WAC: variants seen among roughly 807,000 people sequenced by gnomAD.
WAC encodes the protein WW domain containing adaptor with coiled-coil.
In WAC, 11 loss-of-function variants were observed where a neutral mutation model predicts 79.6. That is an observed-to-expected ratio of 0.14 (90% CI 0.09 to 0.23). The LOEUF is 0.23. Ranked by LOEUF, WAC falls within the 10% of genes least tolerant of loss-of-function variation. The pLI, the probability that WAC is intolerant of heterozygous loss-of-function variation, is 1.00. For synonymous variants in WAC, 304 were observed against 276.9 expected, an observed-to-expected ratio of 1.10 and a Z score of -0.97; for missense variants, 728 against 773.5, an observed-to-expected ratio of 0.94 and a Z score of 0.70.
rs191154673 is a variant in WAC, at chr10:28,586,039, A to G, written c.381+2534A>G. Among the ~76,000 whole-genome samples, 12 of 152,274 alleles carry G rather than the reference A, an allele frequency of 7.9e-5. No homozygotes were observed. In the East Asian group the frequency reaches 2.1e-3, roughly 27 times the overall value. On this transcript the variant is annotated intron_variant, in intron 4 of 13. Coordinates refer to ENST00000354911, the MANE Select transcript of WAC (RefSeq NM_016628.5). ...GGAATCCGCGTTCTGGTTTCTCTAG[A>G]TTTCACCTGTAGGTGCATAAGTAGT...
At chr10:28,559,485 G>A (rs1352472327) in intron 3 of WAC, among the ~76,000 whole-genome samples, 1 of 152,086 alleles carries the variant, frequency 6.6e-6, no homozygotes, top group African/African-American at 2.4e-5. Context: ...GGAAACGGAG[G>A]CAAAATTAAT....
At chr10:28,550,939 T>C (rs1011950574) in intron 3 of WAC, among the ~76,000 whole-genome samples, 2 of 152,244 alleles carry the variant, frequency 1.3e-5, no homozygotes, top group African/African-American at 4.8e-5. Context: ...TGTATGTGAT[T>C]TGAATACTGA....
chr10:28,559,772 T>C (rs1838203269), intron 3 of WAC, among the ~76,000 whole-genome samples: 1 of 152,182 alleles, frequency 6.6e-6, no homozygotes, highest in Non-Finnish European at 1.5e-5. Context: ...GCAAGAAACT[T>C]CAAGAGGTGA....
chr10:28,618,850 TTACTG>T (rs1841585066), intron 13 of WAC, among the ~76,000 whole-genome samples: 1 of 152,224 alleles, frequency 6.6e-6, no homozygotes, highest in African/African-American at 2.4e-5. Context: ...ATTCTACTCT[TTACTG>T]TATAGTGGGC....
At chr10:28,617,814 G>A (rs375627488) in intron 13 of WAC, 30 bp downstream of exon 13, 7 of 1,553,828 alleles carry the variant, frequency 4.5e-6, no homozygotes, top group Middle Eastern at 2.0e-4. Flanking sequence ...ATATTTTTAT[G>A]TTTCTCAGGA....
chr10:28,617,594 A>G, intron 12 of WAC, 63 bp from the exon 13 acceptor site: 1 of 1,397,644 alleles, frequency 7.2e-7, no homozygotes. Context: ...TCAGAAATTT[A>G]ATGTTTTATT....
At chr10:28,582,242 A>G (rs986915819) in intron 3 of WAC, among the ~76,000 whole-genome samples, 2 of 152,214 alleles carry the variant, frequency 1.3e-5, no homozygotes, top group Admixed American at 1.3e-4. Context: ...CAAAGCAGTT[A>G]GTCACCTCTC....
chr10:28,550,220 C>T (rs1434913908), intron 3 of WAC, among the ~76,000 whole-genome samples: 1 of 150,788 alleles, frequency 6.6e-6, no homozygotes, highest in African/African-American at 2.4e-5. Context: ...GTTCACATTA[C>T]TCTTTTCTCA....
At chr10:28,560,755 T>G (rs577576148) in intron 3 of WAC, among the ~76,000 whole-genome samples, 8 of 152,328 alleles carry the variant, frequency 5.3e-5, no homozygotes, top group East Asian at 1.9e-4. Context: ...CGTAGTAGTA[T>G]TCAAGTCTGC....
intron 7 of WAC, among the ~76,000 whole-genome samples, chr10:28,600,447 C>T (rs1840585111): frequency 2.0e-5 from 3 of 152,116 alleles, no homozygotes; most frequent in African/African-American, 7.2e-5. Flanking sequence ...CCAACTTCAG[C>T]ACTCAGTTGC....
In WAC at chr10:28,616,363, GTATGT is replaced by G. The variant is rs1303692860; in HGVS notation, c.1746+7_1746+11del. Reference sequence around the variant, plus strand: ...GCCTGCAGATCATGCAGAGAAGCAGGTATGTTATGTACAGCCTAGATTTTACCTTT... The same window carrying G: ...GCCTGCAGATCATGCAGAGAAGCAGGTATGTACAGCCTAGATTTTACCTTT... On this transcript the variant is annotated splice_donor_variant and splice_donor_5th_base_variant and intron_variant, in intron 12 of 13. Transcript: ENST00000354911. LOFTEE classifies it high-confidence loss of function. 1.2e-6 allele frequency: 2 copies of G among 1,602,214 alleles called. No homozygotes were observed. Among genetic ancestry groups the G allele is most frequent in the African/African-American group, 2.7e-5 (2 of 74,718 alleles).
intron 10 of WAC, among the ~76,000 whole-genome samples, chr10:28,612,610 T>C (rs1160720947): frequency 6.6e-6 from 1 of 152,206 alleles, no homozygotes; most frequent in Non-Finnish European, 1.5e-5. Flanking sequence ...AATAATTCTT[T>C]GTAAGATATT....
intron 7 of WAC, among the ~76,000 whole-genome samples, chr10:28,604,191 G>GT (rs1288463531): frequency 6.7e-6 from 1 of 149,648 alleles, no homozygotes; most frequent in Non-Finnish European, 1.5e-5. Flanking sequence ...TTCTTTGACT[G>GT]TTACGTCGAT....
At chr10:28,563,744 C>CTTTTTTTTTT (rs71281550) in intron 3 of WAC, among the ~76,000 whole-genome samples, 864 of 67,830 alleles carry the variant, frequency 0.013, 69 homozygotes, top group East Asian at 0.024. Flanking sequence ...CTACACCCAG[C>CTTTTTTTTTT]TTTTTTTTTT....
chr10:28,543,483 G>T (rs930439792), intron 3 of WAC, among the ~76,000 whole-genome samples: 1 of 152,224 alleles, frequency 6.6e-6, no homozygotes, highest in Non-Finnish European at 1.5e-5. Context: ...CACATTTCAT[G>T]TGTTTAATTG....
intron 10 of WAC, among the ~76,000 whole-genome samples, chr10:28,612,611 G>T (rs1418227510): frequency 6.6e-6 from 1 of 152,106 alleles, no homozygotes; most frequent in East Asian, 1.9e-4. Context: ...ATAATTCTTT[G>T]TAAGATATTA....
chr10:28,567,340 G>A (rs1838702539), intron 3 of WAC, among the ~76,000 whole-genome samples: 1 of 151,838 alleles, frequency 6.6e-6, no homozygotes, highest in Admixed American at 6.6e-5. Context: ...AGTGTGGATA[G>A]TATGATTAGA....
intron 6 of WAC, chr10:28,591,573 T>A (rs1296468649): frequency 6.6e-6 from 1 of 152,166 alleles, no homozygotes. Flanking sequence ...TTGAATAAAA[T>A]TTACTCCCAG....
chr10:28,610,001 G>A (rs1362387311), intron 8 of WAC, among the ~76,000 whole-genome samples: 2 of 137,972 alleles, frequency 1.4e-5, no homozygotes, highest in Non-Finnish European at 3.0e-5. Context: ...GTGCAATCCC[G>A]GCTCACTGCA....
Sources: gnomAD v4.1 joint callset for allele counts (sites outside exome capture counted in the v4.1 genomes callset) on GRCh38, gnomAD v4.1.1 for gene constraint, MANE v1.5 for transcripts, NCBI Gene and HGNC (gene_info 2026-07-23, HGNC 2026-07-21) for gene names.